Variants in XRRA1 observed in about 807,000 individuals in gnomAD.
XRRA1 encodes the protein X-ray radiation resistance associated 1, also known as X-ray radiation resistance-associated protein 1.
Under a neutral mutation model 80.2 loss-of-function variants are expected in XRRA1, and 69 were observed. The observed-to-expected ratio is 0.86, with a 90% confidence interval of 0.71 to 1.05. The LOEUF is 1.05. Among genes scored for constraint, XRRA1 ranks in the 50% least tolerant of loss-of-function variants. The pLI, the probability that XRRA1 is intolerant of heterozygous loss-of-function variation, is 0.00. For missense variants in XRRA1, 967 were observed against 976.4 expected (o/e 0.99, Z 0.13); for synonymous variants, 348 against 389.9 (o/e 0.89, Z 1.27).
chr11:74,932,006 A>G (rs1050759667), intron 5 of XRRA1, among the ~76,000 whole-genome samples: 1 of 152,028 alleles, frequency 6.6e-6, no homozygotes, highest in Non-Finnish European at 1.5e-5. Context: ...CTTTTTCTAT[A>G]TTTATTGGCC....
intron 12 of XRRA1, 70 bp from the exon 13 acceptor site, chr11:74,852,152 C>T: frequency 7.7e-7 from 1 of 1,305,176 alleles, no homozygotes; most frequent in Non-Finnish European, 1.1e-6. Flanking sequence ...TGTCTAGGCC[C>T]CTCACTGCAG....
chr11:74,843,266 G>A lies in XRRA1; in HGVS notation c.2337C>T (p.Phe779=), dbSNP rs762369425. 4 of 1,578,244 alleles carry A rather than the reference G, an allele frequency of 2.5e-6. No homozygotes were observed. The highest frequency in any genetic ancestry group is 2.3e-5 in the South Asian group (2 of 85,990). The part of the protein sequence containing the change: ...CPALSESQPK[F]GHFLEFMDEF... ...CATCCATGAACTCGAGGAAGTGGCCGAACTTGGGCTGGCTCTCACTCAGCG... is the reference window on the plus strand; with the variant it reads ...CATCCATGAACTCGAGGAAGTGGCCAAACTTGGGCTGGCTCTCACTCAGCG... The change falls in exon 19 of 19, where the codon TTC becomes TTT. Residue 779 remains phenylalanine, a synonymous_variant. Transcript: ENST00000684022.
At chr11:74,921,161 C>T in intron 8 of XRRA1, 53 bp downstream of exon 8, 1 of 1,598,064 alleles carries the variant, frequency 6.3e-7, no homozygotes, top group African/African-American at 1.3e-5. Flanking sequence ...GGGCTATTTC[C>T]TTGGATATTT....
At chr11:74,879,204 G>A (rs1305327339) in intron 10 of XRRA1, among the ~76,000 whole-genome samples, 9 of 150,544 alleles carry the variant, frequency 6.0e-5, no homozygotes, top group Admixed American at 2.7e-4. Context: ...GGATTCCTAG[G>A]TATTTTATTC....
intron 10 of XRRA1, among the ~76,000 whole-genome samples, chr11:74,878,457 CTTTAG>C (rs1200608991): frequency 6.6e-6 from 1 of 152,150 alleles, no homozygotes; most frequent in East Asian, 1.9e-4. Context: ...TGCAGAAGCT[CTTTAG>C]TTTAATCAGA....
At chr11:74,922,425 G>A (rs1941120627) in intron 7 of XRRA1, among the ~76,000 whole-genome samples, 1 of 152,126 alleles carries the variant, frequency 6.6e-6, no homozygotes, top group Non-Finnish European at 1.5e-5. Flanking sequence ...GTGTTTCTCT[G>A]CAGAGACAAA....
chr11:74,911,153 A>C (rs1203413586), intron 8 of XRRA1: 1 of 152,312 alleles, frequency 6.6e-6, no homozygotes, highest in Non-Finnish European at 1.5e-5. Flanking sequence ...TTAAGAGGCT[A>C]GCAGAAAAGG....
intron 10 of XRRA1, among the ~76,000 whole-genome samples, chr11:74,892,616 G>A (rs1360883284): frequency 2.0e-5 from 3 of 152,114 alleles, no homozygotes; most frequent in South Asian, 4.2e-4. Context: ...GAGTGAACAG[G>A]CAACCTACAG....
At chr11:74,939,787 C>T (rs974234061) in intron 3 of XRRA1, among the ~76,000 whole-genome samples, 1 of 151,404 alleles carries the variant, frequency 6.6e-6, no homozygotes, top group Non-Finnish European at 1.5e-5. Context: ...ATATATACAA[C>T]TATATTTATT....
At chr11:74,935,398 G>A (rs2139675358) in intron 4 of XRRA1, among the ~76,000 whole-genome samples, 1 of 152,252 alleles carries the variant, frequency 6.6e-6, no homozygotes. Context: ...CAATGCCTCT[G>A]GCTTATTTTT....
intron 10 of XRRA1, among the ~76,000 whole-genome samples, chr11:74,899,122 A>T (rs1333376365): frequency 1.3e-5 from 2 of 152,206 alleles, no homozygotes; most frequent in Non-Finnish European, 2.9e-5. Flanking sequence ...TGGAAACTAT[A>T]CAAACACATA....
At chr11:74,895,566 A>G (rs2052085375) in intron 10 of XRRA1, among the ~76,000 whole-genome samples, 2 of 152,222 alleles carry the variant, frequency 1.3e-5, no homozygotes, top group South Asian at 4.1e-4. Flanking sequence ...CTAGGGTGGC[A>G]CATGACCTAG....
In XRRA1 at chr11:74,945,105, T is replaced by C. The variant is rs1157860295; in HGVS notation, c.-72-20A>G. 3 of 152,600 alleles carry C rather than the reference T, an allele frequency of 2.0e-5. No individual in the cohort carries two copies. Among genetic ancestry groups the C allele is most frequent in the Non-Finnish European group, 2.9e-5 (2 of 68,038 alleles). 9.5% of individuals were successfully genotyped at this position (152,600 alleles called of 1,614,324 possible). A position where few individuals can be genotyped will look rare whatever the true frequency, so the allele number is the denominator to read the frequency against. ...CTTTGCCTGTAAGATAAATATTATA[T>C]TCCTTCTTAGCCTGCTATTCAGAGC... On this transcript the variant is annotated intron_variant, in intron 1 of 18. Transcript: ENST00000684022.
At position 74,906,386 on chromosome 11, in the gene XRRA1, C is replaced by G. The variant is rs533288710; in HGVS notation, c.856G>C (p.Asp286His). ...IPYLQQVQLY[D>H]ESVDWNGGRG... Reference sequence around the variant, plus strand: ...CCTCCATTCCAGTCTACTGACTCGTCATAGAGCTGAACTTGCTGTAGGTAT... The same window carrying G: ...CCTCCATTCCAGTCTACTGACTCGTGATAGAGCTGAACTTGCTGTAGGTAT... The change falls in exon 10 of 19, where the codon GAC becomes CAC. Residue 286 changes from aspartate (D) to histidine (H), a missense_variant. Asp to His is a moderately conservative substitution (Grantham distance 81, BLOSUM62 -1). Transcript: ENST00000684022. 12 of 1,613,996 alleles carry G rather than the reference C, an allele frequency of 7.4e-6. No homozygotes were observed. The African/African-American group carries it at 1.2e-4, about 16-fold the overall frequency.
In XRRA1 at chr11:74,842,672, A is replaced by G. The variant is rs186349570; in HGVS notation, c.*528T>C. ...CAATTTACTGTCATGTTCACATTCA[A>G]CCATTCATGCTCCTAATGAAGGAAC... On this transcript the variant is annotated 3_prime_UTR_variant, in exon 19 of 19. Transcript: ENST00000684022. 1 of 153,616 alleles carries G rather than the reference A, an allele frequency of 6.5e-6. No homozygotes were observed. Among genetic ancestry groups the G allele is most frequent in the East Asian group, 1.9e-4 (1 of 5,222 alleles). 9.5% of individuals were successfully genotyped at this position (153,616 alleles called of 1,614,324 possible).
At chr11:74,873,063 T>C (rs1284371645) in intron 10 of XRRA1, among the ~76,000 whole-genome samples, 1 of 152,170 alleles carries the variant, frequency 6.6e-6, no homozygotes, top group African/African-American at 2.4e-5. Flanking sequence ...ACAAACTCTT[T>C]GTTTCCCCCA....
chr11:74,875,374 C>T (rs2045816538), intron 10 of XRRA1, among the ~76,000 whole-genome samples: 1 of 152,134 alleles, frequency 6.6e-6, no homozygotes, highest in East Asian at 1.9e-4. Context: ...GGCCACTTCT[C>T]AAGGGTATAC....
chr11:74,885,690 G>A (rs936291757), intron 10 of XRRA1, among the ~76,000 whole-genome samples: 18 of 152,078 alleles, frequency 1.2e-4, no homozygotes, highest in African/African-American at 4.3e-4. Flanking sequence ...ATTGAGGAAG[G>A]ACTCCTCCCT....
chr11:74,933,912 C>T, intron 4 of XRRA1, 40 bp from the exon 5 acceptor site: 1 of 1,561,228 alleles, frequency 6.4e-7, no homozygotes, highest in Non-Finnish European at 8.7e-7. Context: ...AAGGCCCCTA[C>T]AAAGTTTAAT....
Sources: gnomAD v4.1 joint callset for allele counts (sites outside exome capture counted in the v4.1 genomes callset) on GRCh38, gnomAD v4.1.1 for gene constraint, MANE v1.5 for transcripts, NCBI Gene and HGNC (gene_info 2026-07-23, HGNC 2026-07-21) for gene names.